TAFA1: variants seen among roughly 807,000 people sequenced by gnomAD.
TAFA1 encodes chemokine-like protein TAFA-1.
Under a neutral mutation model 18.5 loss-of-function variants are expected in TAFA1, and 4 were observed. The ratio of observed to expected loss-of-function variants is 0.22; its 90% confidence interval spans 0.11 to 0.49. TAFA1 has a LOEUF of 0.49. TAFA1 is among the 20% of genes least tolerant of loss of function. TAFA1 has a pLI of 0.98. For missense variants in TAFA1, 147 were observed against 169.0 expected, an observed-to-expected ratio of 0.87 and a Z score of 0.72; for synonymous variants, 56 against 55.2, an observed-to-expected ratio of 1.01 and a Z score of -0.06.
At chr3:68,346,319 C>G (rs557712995) in intron 2 of TAFA1, among the ~76,000 whole-genome samples, 1 of 152,110 alleles carries the variant, frequency 6.6e-6, no homozygotes, top group East Asian at 1.9e-4. Flanking sequence ...CCACCACACC[C>G]AGCTAATTTT....
intron 2 of TAFA1, among the ~76,000 whole-genome samples, chr3:68,096,590 AC>A (rs2065089886): frequency 6.6e-6 from 1 of 152,092 alleles, no homozygotes; most frequent in Admixed American, 6.6e-5. Context: ...AGCTGGGGAA[AC>A]TAAGGCTTGG....
chr3:68,247,521 A>G (rs776015772), intron 2 of TAFA1: 3 of 152,132 alleles, frequency 2.0e-5, no homozygotes, highest in Admixed American at 6.5e-5. Flanking sequence ...CCTGGAGGTG[A>G]CAGGCTGTTT....
chr3:68,236,172 A>G (rs1420197168), intron 2 of TAFA1, among the ~76,000 whole-genome samples: 2 of 152,200 alleles, frequency 1.3e-5, no homozygotes, highest in Non-Finnish European at 2.9e-5. Context: ...ATATTCAAGT[A>G]GGACAGAACC....
chr3:68,504,290 G>A (rs984116963), intron 3 of TAFA1, among the ~76,000 whole-genome samples: 6 of 152,102 alleles, frequency 3.9e-5, no homozygotes, highest in Admixed American at 3.3e-4. Flanking sequence ...AGACCTTTGT[G>A]TTGAAAGCCA....
intron 2 of TAFA1, among the ~76,000 whole-genome samples, chr3:68,313,164 C>T (rs1352856): frequency 0.3 from 45,760 of 152,006 alleles, 10,685 homozygotes; most frequent in African/African-American, 0.64. Context: ...GAGATTTGGG[C>T]GGGGACACAA....
intron 2 of TAFA1, among the ~76,000 whole-genome samples, chr3:68,357,657 CAG>C (rs951338882): frequency 2.4e-4 from 36 of 152,036 alleles, no homozygotes; most frequent in East Asian, 7.7e-4. Flanking sequence ...AGACTAGACA[CAG>C]GGGGAGAAAA....
intron 2 of TAFA1, among the ~76,000 whole-genome samples, chr3:68,227,292 T>A (rs1280396928): frequency 6.6e-6 from 1 of 152,228 alleles, no homozygotes; most frequent in Non-Finnish European, 1.5e-5. Context: ...TAAAAATAAA[T>A]CATATGTCAT....
intron 2 of TAFA1, among the ~76,000 whole-genome samples, chr3:68,010,845 C>T (rs1050212693): frequency 1.3e-5 from 2 of 152,114 alleles, no homozygotes; most frequent in Admixed American, 6.5e-5. Flanking sequence ...AATACTTGAG[C>T]TTCTTTTTTA....
At chr3:68,091,371 G>A (rs1223648524) in intron 2 of TAFA1, among the ~76,000 whole-genome samples, 1 of 152,102 alleles carries the variant, frequency 6.6e-6, no homozygotes, top group African/African-American at 2.4e-5. Flanking sequence ...GCTTTTTGGA[G>A]CACAAAATAG....
chr3:68,099,395 T>C (rs1174006920), intron 2 of TAFA1, among the ~76,000 whole-genome samples: 2 of 152,026 alleles, frequency 1.3e-5, no homozygotes, highest in South Asian at 4.1e-4. Flanking sequence ...AACAAATATA[T>C]GAAAAAAATG....
intron 2 of TAFA1, among the ~76,000 whole-genome samples, chr3:68,161,987 T>C (rs2065930624): frequency 6.6e-6 from 1 of 152,204 alleles, no homozygotes; most frequent in African/African-American, 2.4e-5. Context: ...GCTTTTACAC[T>C]ACAGCAGCAG....
chr3:68,221,523 A>G (rs1187238175), intron 2 of TAFA1, among the ~76,000 whole-genome samples: 1 of 152,200 alleles, frequency 6.6e-6, no homozygotes, highest in Non-Finnish European at 1.5e-5. Flanking sequence ...GTCACAGACA[A>G]AAAGTTACCT....
chr3:68,386,929 A>T (rs1336060343), intron 2 of TAFA1, among the ~76,000 whole-genome samples: 1 of 152,178 alleles, frequency 6.6e-6, no homozygotes, highest in Non-Finnish European at 1.5e-5. Flanking sequence ...TTAGAAAGAA[A>T]GATCATTCTC....
At chr3:68,239,872 C>T (rs1229940769) in intron 2 of TAFA1, among the ~76,000 whole-genome samples, 1 of 152,126 alleles carries the variant, frequency 6.6e-6, no homozygotes. Context: ...GATGGTTTTG[C>T]TGGAAGTGAA....
At chr3:68,184,802 C>T (rs1451037222) in intron 2 of TAFA1, among the ~76,000 whole-genome samples, 1 of 152,076 alleles carries the variant, frequency 6.6e-6, no homozygotes, top group South Asian at 2.1e-4. Flanking sequence ...TTCATAGTGG[C>T]CTGTGGACCA....
intron 2 of TAFA1, among the ~76,000 whole-genome samples, chr3:68,285,490 A>T (rs1041571291): frequency 1.3e-5 from 2 of 152,170 alleles, no homozygotes; most frequent in Non-Finnish European, 2.9e-5. Flanking sequence ...ATGTATATAC[A>T]TAGCAACATT....
Position 68,498,495 on chromosome 3 carries a change from T to A in TAFA1, c.260-40261T>A, listed in dbSNP as rs2072592285. On this transcript the variant is annotated intron_variant, in intron 3 of 4. Coordinates refer to ENST00000478136, the MANE Select transcript of TAFA1 (RefSeq NM_213609.4). ...CAAAAGCATATTGTTGCTAAGTGGG[T>A]CTGAGTATCTGCATTTCCTTAAAGC... 2.0e-5 allele frequency among the ~76,000 whole-genome samples: 3 copies of A among 152,116 alleles called. No individual in the cohort carries two copies. In the South Asian group the frequency reaches 6.2e-4, roughly 32 times the overall value.
chr3:68,097,103 G>A (rs980786006), intron 2 of TAFA1, among the ~76,000 whole-genome samples: 3 of 152,020 alleles, frequency 2.0e-5, no homozygotes, highest in Admixed American at 1.3e-4. Context: ...ATTGTCTTTT[G>A]TCACTGTAGA....
rs3037409 is a variant in TAFA1, at chr3:68,474,049, ACCC to A, written c.259+56638_259+56640del. ...GTGTGTATCTGCAAGAAAATGTATC[ACCC>A]CCCCCCCCAAGTAAATAAAAAGCCA... On this transcript the variant is annotated intron_variant, in intron 3 of 4. Transcript: ENST00000478136. Among the ~76,000 whole-genome samples, 542 of 136,544 alleles carry A rather than the reference ACCC, an allele frequency of 4.0e-3. 5 individuals are homozygous for A. Among genetic ancestry groups the A allele is most frequent in the African/African-American group, 0.012 (463 of 37,874 alleles). 89.6% of individuals were successfully genotyped at this position (136,544 alleles called of 152,430 possible).
Sources: allele counts gnomAD v4.1 joint callset (sites outside exome capture counted in the v4.1 genomes callset), GRCh38; gene constraint gnomAD v4.1.1; transcripts MANE v1.5; gene names NCBI Gene and HGNC (gene_info 2026-07-23, HGNC 2026-07-21).